SLC22A13: variants seen among roughly 807,000 people sequenced by gnomAD.
SLC22A13 encodes the protein organic anion transporter 10.
A neutral mutation model predicts 49.1 loss-of-function variants in SLC22A13; 42 were observed. That is an observed-to-expected ratio of 0.85 (90% CI 0.67 to 1.11). The LOEUF (loss-of-function observed/expected upper bound fraction) is 1.11, where lower values mean the gene tolerates loss of function less well. SLC22A13 is among the 50% of genes least tolerant of loss of function. SLC22A13 has a pLI of 0.00. For missense variants in SLC22A13, 694 were observed against 712.8 expected (o/e 0.97, Z 0.30); for synonymous variants, 282 against 293.1 (o/e 0.96, Z 0.39).
intron 1 of SLC22A13, among the ~76,000 whole-genome samples, chr3:38,267,312 C>T (rs772042360): frequency 4.0e-5 from 6 of 149,976 alleles, no homozygotes; most frequent in African/African-American, 1.5e-4. Flanking sequence ...AACTCTCCCC[C>T]ACCCCACCCC....
rs1186030046 is a variant in SLC22A13, at chr3:38,277,999, GC to G, written c.*538del. 1 of 152,590 alleles carries G rather than the reference GC, an allele frequency of 6.6e-6. No homozygotes were observed. The highest frequency in any genetic ancestry group is 2.4e-5 in the African/African-American group (1 of 41,448). The allele number at this position is 152,590 out of a possible 1,614,324, so 9.5% of individuals were successfully genotyped here. On this transcript the variant is annotated 3_prime_UTR_variant, in exon 10 of 10. Transcript: ENST00000311856. ...ACCAGATTCCTCTGGCTAACGTATGGCCCCATAGGTCACTGGGTCATACAGA... is the reference window on the plus strand; with the variant it reads ...ACCAGATTCCTCTGGCTAACGTATGGCCCATAGGTCACTGGGTCATACAGA...
chr3:38,267,802 G>T (rs1189543088), intron 1 of SLC22A13, among the ~76,000 whole-genome samples: 1 of 152,150 alleles, frequency 6.6e-6, no homozygotes, highest in Admixed American at 6.5e-5. Flanking sequence ...TGAAGGAAGT[G>T]GTATGTGTGA....
chr3:38,269,565 T>G (rs1267238097), intron 1 of SLC22A13, among the ~76,000 whole-genome samples: 1 of 152,176 alleles, frequency 6.6e-6, no homozygotes, highest in African/African-American at 2.4e-5. Flanking sequence ...GCCTAATTTT[T>G]AATTCTTAGT....
intron 4 of SLC22A13, 33 bp from the exon 5 acceptor site, chr3:38,275,337 G>A (rs956900459): frequency 3.1e-6 from 5 of 1,613,406 alleles, no homozygotes; most frequent in Non-Finnish European, 4.2e-6. Context: ...TAGGACTCCA[G>A]GCCCCAAGGT....
At chr3:38,271,557 A>T (rs529757406) in intron 1 of SLC22A13, among the ~76,000 whole-genome samples, 74 of 151,410 alleles carry the variant, frequency 4.9e-4, no homozygotes, top group African/African-American at 1.7e-3. Flanking sequence ...AAAAAAAAAA[A>T]AAAAAAAAAA....
chr3:38,267,855 G>A (rs916354963), intron 1 of SLC22A13, among the ~76,000 whole-genome samples: 2 of 152,132 alleles, frequency 1.3e-5, no homozygotes, highest in African/African-American at 4.8e-5. Flanking sequence ...TAGAGAAGAG[G>A]GGAAGGCCTC....
rs1482719654 is a variant in SLC22A13, at chr3:38,266,023, G to A, written c.163G>A (p.Val55Met). ...GCCCCACCACTGTGCAGTGGCTTGG[G>A]TGAAGAACCACACTTTCAACCTGAG... ...DEPHHCAVAWVKNHTFNLSAA... is the reference protein window; with the variant it reads ...DEPHHCAVAWMKNHTFNLSAA... Residue 55 changes from valine to methionine, a missense_variant, in exon 1 of 10, where the codon GTG (valine) becomes ATG (methionine). Val to Met is a conservative substitution (Grantham distance 21). Coordinates refer to ENST00000311856, the MANE Select transcript of SLC22A13 (RefSeq NM_004256.4). The A allele has an allele frequency of 9.3e-6, 15 of 1,614,040 alleles. No homozygotes were observed. The highest frequency in any genetic ancestry group is 1.3e-5 in the Non-Finnish European group (15 of 1,180,042).
chr3:38,276,951 C>T lies in SLC22A13; in HGVS notation c.1386C>T (p.Ile462=), dbSNP rs141873455. The T allele has an allele frequency of 7.6e-5, 122 of 1,613,876 alleles. No individual in the cohort carries two copies. The African/African-American group carries it at 1.0e-3, about 13-fold the overall frequency. Reference sequence around the variant, plus strand: ...GGCTGGTGGGCATCTTCTCACGGATCGGGGGCATCCTCACACCACTTGTGA... The same window carrying T: ...GGCTGGTGGGCATCTTCTCACGGATTGGGGGCATCCTCACACCACTTGTGA... ...GMGLVGIFSR[I]GGILTPLVIL... Residue 462 remains isoleucine, a synonymous_variant, in exon 9 of 10, where the codon ATC becomes ATT. Coordinates refer to ENST00000311856, the MANE Select transcript of SLC22A13 (RefSeq NM_004256.4).
At chr3:38,276,792 G>T in intron 8 of SLC22A13, 120 bp from the exon 9 acceptor site, 1 of 835,470 alleles carries the variant, frequency 1.2e-6, no homozygotes, top group South Asian at 1.7e-5. Context: ...GCTGGGCTGG[G>T]TGAGGCTGGA....
At chr3:38,267,799 A>C (rs1482089446) in intron 1 of SLC22A13, among the ~76,000 whole-genome samples, 1 of 152,126 alleles carries the variant, frequency 6.6e-6, no homozygotes, top group East Asian at 1.9e-4. Context: ...TTCTGAAGGA[A>C]GTGGTATGTG....
chr3:38,273,784 T>C (rs1347607201), intron 1 of SLC22A13, among the ~76,000 whole-genome samples: 2 of 152,198 alleles, frequency 1.3e-5, no homozygotes, highest in African/African-American at 4.8e-5. Flanking sequence ...AATGCATAAG[T>C]TGACAGAAAA....
chr3:38,267,893 G>C (rs1703479993), intron 1 of SLC22A13, among the ~76,000 whole-genome samples: 1 of 152,114 alleles, frequency 6.6e-6, no homozygotes, highest in Non-Finnish European at 1.5e-5. Context: ...AATAGCACAG[G>C]AAAGGCCTGG....
rs754175132 is a variant in SLC22A13, at chr3:38,277,666, C to T, written c.*201C>T. 1.4e-5 allele frequency: 7 copies of T among 509,246 alleles called. No homozygotes were observed. Among genetic ancestry groups the T allele is most frequent in the Non-Finnish European group, 2.5e-5 (7 of 284,368 alleles). The allele number at this position is 509,246 out of a possible 1,614,324, so 31.5% of individuals were successfully genotyped here. A position where few individuals can be genotyped will look rare whatever the true frequency, so the allele number is the denominator to read the frequency against. On this transcript the variant is annotated 3_prime_UTR_variant, in exon 10 of 10. Transcript: ENST00000311856. ...ACCATCTGAGACAGGACCTCCCGGC[C>T]TCCTTCACCTTTCTCATCTCCAGAG...
At chr3:38,275,853 A>G (rs747013433) in intron 6 of SLC22A13, 29 bp from the exon 7 acceptor site, 1 of 1,594,014 alleles carries the variant, frequency 6.3e-7, no homozygotes, top group Non-Finnish European at 8.6e-7. Context: ...GTCACCCAGC[A>G]GTGACAGGAA....
chr3:38,277,482 C>T lies in SLC22A13; in HGVS notation c.*17C>T. The T allele has an allele frequency of 6.3e-7, 1 of 1,591,866 alleles. No individual in the cohort carries two copies. Among genetic ancestry groups the T allele is most frequent in the African/African-American group, 1.3e-5 (1 of 74,526 alleles). The stretch of plus-strand genomic sequence containing the variant: ...TACTTCTGATTGAGGTCTCTAAGAG[C>T]TGGACCATCAGCAGCAGGGAGCTGC... On this transcript the variant is annotated 3_prime_UTR_variant, in exon 10 of 10. Transcript: ENST00000311856.
chr3:38,278,264 A>C lies in SLC22A13; in HGVS notation c.*799A>C, dbSNP rs1324551777. On this transcript the variant is annotated 3_prime_UTR_variant, in exon 10 of 10. Coordinates refer to ENST00000311856, the MANE Select transcript of SLC22A13 (RefSeq NM_004256.4). ...TGAGGGAAAGGGTAGAGGTCTTTTC[A>C]CCGAGCTGCTGCTGGTTGCAGTTCT... The C allele has an allele frequency of 6.6e-6, 1 of 152,122 alleles. No individual in the cohort carries two copies. Among genetic ancestry groups the C allele is most frequent in the Non-Finnish European group, 1.5e-5 (1 of 68,058 alleles). The allele number at this position is 152,122 out of a possible 1,614,324, so 9.4% of individuals were successfully genotyped here.
Position 38,275,044 on chromosome 3 carries a change from C to G in SLC22A13, c.693C>G (p.Cys231Trp). Residue 231 changes from cysteine to tryptophan, a missense_variant, in exon 4 of 10, where the codon TGC becomes TGG. By Grantham distance (215) the Cys-to-Trp change is radical. Transcript: ENST00000311856. Reference protein sequence around the residue: ...WRTQAVVLAQCNFSLGQMVLA... With the variant: ...WRTQAVVLAQWNFSLGQMVLA... ...CGCAGGCCGTGGTCCTGGCCCAGTG[C>G]AACTTCTCCCTCGGGCAGATGGTGC... 1 of 1,614,254 alleles carries G rather than the reference C, an allele frequency of 6.2e-7. No homozygotes were observed. The highest frequency in any genetic ancestry group is 8.5e-7 in the Non-Finnish European group (1 of 1,180,038).
chr3:38,275,019 C>T lies in SLC22A13; in HGVS notation c.668C>T (p.Thr223Met), dbSNP rs142941998. ...LTEWVGPSWRTQAVVLAQCNF... is the reference protein window; with the variant it reads ...LTEWVGPSWRMQAVVLAQCNF... ...GAATGGGTGGGGCCCTCATGGAGGA[C>T]GCAGGCCGTGGTCCTGGCCCAGTGC... The change falls in exon 4 of 10, where the codon ACG (threonine) becomes ATG (methionine). Residue 223 changes from threonine (T) to methionine (M), a missense_variant. Transcript: ENST00000311856. 389 of 1,614,048 alleles carry T rather than the reference C, an allele frequency of 2.4e-4. No homozygotes were observed. Among genetic ancestry groups the T allele is most frequent in the Non-Finnish European group, 3.0e-4 (352 of 1,180,010 alleles).
rs1244370479 is a variant in SLC22A13 at position 38,275,593 on chromosome 3, A to G, written c.943A>G (p.Thr315Ala). ...ELMNQLVPEK[T>A]GPSGNALDLF... ...TTCCTCCCAGCTGGTCCCAGAGAAG[A>G]CAGGCCCCTCAGGGAATGCCCTGGA... is the stretch of plus-strand genomic sequence containing the variant. Residue 315 changes from threonine to alanine, a missense_variant, in exon 6 of 10, where the codon ACA (threonine) becomes GCA (alanine). Thr to Ala is a moderately conservative substitution (Grantham distance 58, BLOSUM62 0). Transcript: ENST00000311856. The G allele has an allele frequency of 2.5e-6, 4 of 1,614,152 alleles. No homozygotes were observed. The South Asian group carries it at 4.4e-5, about 18-fold the overall frequency.
Sources: allele counts gnomAD v4.1 joint callset (sites outside exome capture counted in the v4.1 genomes callset), GRCh38; gene constraint gnomAD v4.1.1; transcripts MANE v1.5; gene names NCBI Gene and HGNC (gene_info 2026-07-23, HGNC 2026-07-21).